The following ABI3BP variants were observed in gnomAD, a reference collection of about 807,000 sequenced individuals.
ABI3BP encodes the protein ABI family member 3 binding protein, also known as target of Nesh-SH3.
ABI3BP carries 216 observed loss-of-function variants against 268.6 expected under a neutral mutation model. The observed-to-expected ratio is 0.80, with a 90% CI of 0.72 to 0.90. The LOEUF (loss-of-function observed/expected upper bound fraction) is 0.90, where lower values mean the gene tolerates loss of function less well. Ranked by LOEUF, ABI3BP falls within the 40% of genes least tolerant of loss-of-function variation. The pLI is 0.00. For missense variants in ABI3BP, 2,090 were observed against 2,182.4 expected (o/e 0.96, Z 0.84); for synonymous variants, 730 against 730.0 (o/e 1.00, Z 0.00).
At chr3:100,821,325 T>A (rs2098215428) in intron 38 of ABI3BP, among the ~76,000 whole-genome samples, 1 of 152,196 alleles carries the variant, frequency 6.6e-6, no homozygotes, top group African/African-American at 2.4e-5. Context: ...CCTCATTCTC[T>A]GGTTATCTAA....
At chr3:100,929,410 A>C (rs1490038198) in intron 1 of ABI3BP, among the ~76,000 whole-genome samples, 2 of 152,046 alleles carry the variant, frequency 1.3e-5, no homozygotes, top group Non-Finnish European at 2.9e-5. Context: ...TTTTGCTAAC[A>C]ATGTATATCC....
chr3:100,919,071 GTCTC>G (rs879562716), intron 2 of ABI3BP, among the ~76,000 whole-genome samples: 175 of 152,266 alleles, frequency 1.1e-3, no homozygotes, highest in African/African-American at 3.3e-3. Context: ...GCCTCTTGCC[GTCTC>G]TCTAAGGACT....
chr3:100,806,287 A>C (rs1431292611), intron 50 of ABI3BP, among the ~76,000 whole-genome samples: 2 of 152,136 alleles, frequency 1.3e-5, no homozygotes, highest in Non-Finnish European at 2.9e-5. Flanking sequence ...ATGATATTAC[A>C]GCCCAACAAC....
At chr3:100,829,140 TA>T (rs58672723) in intron 33 of ABI3BP, among the ~76,000 whole-genome samples, 43,798 of 145,146 alleles carry the variant, frequency 0.3, 8,950 homozygotes, top group African/African-American at 0.59. Flanking sequence ...AAGTGGTTGT[TA>T]AAAAAAAAAA....
At chr3:100,880,883 T>C (rs1240035875) in intron 6 of ABI3BP, among the ~76,000 whole-genome samples, 3 of 152,182 alleles carry the variant, frequency 2.0e-5, no homozygotes, top group African/African-American at 7.2e-5. Flanking sequence ...AATATTAGTA[T>C]TGTAGGTTTA....
chr3:100,890,414 G>A (rs2044027637), intron 4 of ABI3BP, among the ~76,000 whole-genome samples: 1 of 151,916 alleles, frequency 6.6e-6, no homozygotes. Flanking sequence ...CTGATTTCAA[G>A]GGAAAAAGCA....
rs543106273 is a variant in ABI3BP at position 100,902,720 on chromosome 3, C to G, written c.260-34G>C. 4 of 1,589,892 alleles carry G rather than the reference C, an allele frequency of 2.5e-6. No individual in the cohort carries two copies. The Admixed American group carries it at 6.7e-5, about 27-fold the overall frequency. On this transcript the variant is annotated intron_variant, in intron 2 of 67. Transcript: ENST00000471714. The stretch of plus-strand genomic sequence containing the variant: ...AATAACATTATTTATCAGAAAAACC[C>G]TTTGAGAACCAGCATTGGAGGCAGC...
chr3:100,813,897 A>G (rs776263158), intron 44 of ABI3BP, among the ~76,000 whole-genome samples, 162 bp from the exon 45 acceptor site: 1 of 152,170 alleles, frequency 6.6e-6, no homozygotes, highest in Non-Finnish European at 1.5e-5. Flanking sequence ...TCAGCAAACT[A>G]TAGCCCTTCC....
intron 1 of ABI3BP, among the ~76,000 whole-genome samples, chr3:100,963,725 C>A (rs1221150506): frequency 1.3e-5 from 2 of 152,194 alleles, no homozygotes; most frequent in East Asian, 3.8e-4. Flanking sequence ...TCGCACTGGC[C>A]AGCTGTTATT....
Position 100,752,921 on chromosome 3 carries a change from C to A in ABI3BP, c.4988G>T (p.Arg1663Ile), listed in dbSNP as rs751018251. 12 of 1,613,014 alleles carry A rather than the reference C, an allele frequency of 7.4e-6. No homozygotes were observed. Among genetic ancestry groups the A allele is most frequent in the Non-Finnish European group, 1.0e-5 (12 of 1,179,546 alleles). ...SAGRDAIWTE[R>I]PFNSDSYSEC... ...TGAGTAAGAGTCTGAATTAAAGGGT[C>A]TTTCAGTCCAGATGGCATCTCTTCC... Residue 1663 changes from arginine (R) to isoleucine (I), a missense_variant, in exon 66 of 68, where the codon AGA becomes ATA. Coordinates refer to ENST00000471714, the MANE Select transcript of ABI3BP (RefSeq NM_001375547.2).
rs1333369657 is a variant in ABI3BP, at chr3:100,749,426, G to T, written c.*1069C>A. ...TGATAAGATTGAAGCATGTTGAAAG[G>T]TAAGTACAGGGAAAGGTCCTTTCAG... On this transcript the variant is annotated 3_prime_UTR_variant, in exon 68 of 68. Transcript: ENST00000471714. 1 of 385,920 alleles carries T rather than the reference G, an allele frequency of 2.6e-6. No homozygotes were observed. Among genetic ancestry groups the T allele is most frequent in the Non-Finnish European group, 4.6e-6 (1 of 218,598 alleles). The allele number at this position is 385,920 out of a possible 1,614,324, so 23.9% of individuals were successfully genotyped here. A position where few individuals can be genotyped will look rare whatever the true frequency, so the allele number is the denominator to read the frequency against.
At chr3:100,757,205 A>G (rs1047544893) in intron 63 of ABI3BP, among the ~76,000 whole-genome samples, 1 of 152,142 alleles carries the variant, frequency 6.6e-6, no homozygotes, top group African/African-American at 2.4e-5. Context: ...ATTGTAGAAG[A>G]AAGAAAGGAA....
chr3:100,813,199 G>T (rs1449966348), intron 45 of ABI3BP, among the ~76,000 whole-genome samples: 1 of 152,108 alleles, frequency 6.6e-6, no homozygotes, highest in East Asian at 1.9e-4. Flanking sequence ...AGCTTGAAGG[G>T]CAGTATGTTT....
intron 2 of ABI3BP, among the ~76,000 whole-genome samples, chr3:100,905,663 T>C (rs575540501): frequency 2.6e-5 from 4 of 152,270 alleles, no homozygotes; most frequent in Admixed American, 2.6e-4. Flanking sequence ...ACTATTCTGG[T>C]AGGAACAAAA....
intron 67 of ABI3BP, 52 bp from the exon 68 acceptor site, chr3:100,750,662 C>T: frequency 1.5e-6 from 2 of 1,340,092 alleles, no homozygotes; most frequent in African/African-American, 1.4e-5. Context: ...TATTTTTGCC[C>T]TCACAGCTCA....
rs142258474 is a variant in ABI3BP at position 100,793,234 on chromosome 3, G to A, written c.3947-466C>T. ...ATTTTTCTCATGTGAAAATCAGAGC[G>A]TATGTTTGACATACAAACACAATCC... On this transcript the variant is annotated intron_variant, in intron 54 of 67. Coordinates refer to ENST00000471714, the MANE Select transcript of ABI3BP (RefSeq NM_001375547.2). 3.5e-4 allele frequency among the ~76,000 whole-genome samples: 53 copies of A among 151,938 alleles called. No homozygotes were observed. In the East Asian group the frequency reaches 7.7e-3, roughly 22 times the overall value.
intron 63 of ABI3BP, among the ~76,000 whole-genome samples, chr3:100,758,774 CAT>C (rs772732561): frequency 3.6e-4 from 55 of 152,240 alleles, no homozygotes; most frequent in Non-Finnish European, 6.8e-4. Flanking sequence ...AACAAAAAAA[CAT>C]AGATCAGTTC....
intron 49 of ABI3BP, among the ~76,000 whole-genome samples, chr3:100,809,406 G>T (rs1009117480): frequency 3.3e-5 from 5 of 151,986 alleles, no homozygotes; most frequent in African/African-American, 1.2e-4. Flanking sequence ...CCACCTGAAG[G>T]TTAGGCATGT....
At chr3:100,874,637 A>T (rs2153267247) in intron 9 of ABI3BP, among the ~76,000 whole-genome samples, 2 of 152,326 alleles carry the variant, frequency 1.3e-5, no homozygotes, top group Middle Eastern at 6.8e-3. Context: ...AATATACCTT[A>T]TATAAATATG....
Sources: gnomAD v4.1 joint callset for allele counts (sites outside exome capture counted in the v4.1 genomes callset) on GRCh38, gnomAD v4.1.1 for gene constraint, MANE v1.5 for transcripts, NCBI Gene and HGNC (gene_info 2026-07-23, HGNC 2026-07-21) for gene names.